CNOT10: variants seen among roughly 807,000 people sequenced by gnomAD.
The protein encoded by CNOT10 is CCR4-NOT transcription complex subunit 10.
In CNOT10, 30 loss-of-function variants were observed where a neutral mutation model predicts 94.6. That is an observed-to-expected ratio of 0.32 (90% CI 0.24 to 0.43). The LOEUF (loss-of-function observed/expected upper bound fraction) is 0.43. Ranked by LOEUF, CNOT10 falls within the 20% of genes least tolerant of loss-of-function variation. The pLI is 1.00. For missense variants in CNOT10, 759 were observed against 877.2 expected, an observed-to-expected ratio of 0.87 and a Z score of 1.70; for synonymous variants, 289 against 301.6, an observed-to-expected ratio of 0.96 and a Z score of 0.43.
At chr3:32,708,851 T>A (rs757791245) in intron 4 of CNOT10, 31 bp downstream of exon 4, 1 of 1,579,804 alleles carries the variant, frequency 6.3e-7, no homozygotes, top group Admixed American at 1.9e-5. Flanking sequence ...AAAATTTCCC[T>A]ATCTTCCCTA....
intron 13 of CNOT10, among the ~76,000 whole-genome samples, chr3:32,754,489 A>AAAAATATATATATATATAT (rs77878221): frequency 1.4e-5 from 1 of 70,198 alleles, no homozygotes; most frequent in African/African-American, 7.7e-5. Context: ...AAAAAAAAAA[A>AAAAATATATATATATATAT]ATACATATAT....
At chr3:32,694,608 T>C (rs555120391) in intron 1 of CNOT10, among the ~76,000 whole-genome samples, 76 of 152,236 alleles carry the variant, frequency 5.0e-4, no homozygotes, top group Non-Finnish European at 9.4e-4. Flanking sequence ...TGTTTGTTTT[T>C]TGAGGCAGTC....
chr3:32,739,664 G>T (rs1559503275), intron 13 of CNOT10, among the ~76,000 whole-genome samples: 1 of 152,160 alleles, frequency 6.6e-6, no homozygotes, highest in South Asian at 2.1e-4. Context: ...GCTCATGCCT[G>T]TGATCCCAGC....
intron 13 of CNOT10, among the ~76,000 whole-genome samples, chr3:32,749,994 A>G (rs112307280): frequency 0.02 from 2,975 of 152,196 alleles, 48 homozygotes; most frequent in East Asian, 0.047. Flanking sequence ...AAGTGGGAGG[A>G]TCCCTTGAGT....
chr3:32,769,651 T>C (rs1022023606), intron 17 of CNOT10: 6 of 460,808 alleles, frequency 1.3e-5, no homozygotes, highest in Non-Finnish European at 2.0e-5. Context: ...TTGACTGTAG[T>C]ATCGGGGTGT....
intron 1 of CNOT10, among the ~76,000 whole-genome samples, chr3:32,693,695 C>A (rs1033611001): frequency 6.6e-6 from 1 of 151,992 alleles, no homozygotes; most frequent in Non-Finnish European, 1.5e-5. Flanking sequence ...GCATGCGCCA[C>A]CACGCCTGGC....
chr3:32,718,968 A>G (rs1698249999), intron 7 of CNOT10, among the ~76,000 whole-genome samples: 1 of 151,948 alleles, frequency 6.6e-6, no homozygotes, highest in Non-Finnish European at 1.5e-5. Context: ...TAAAAAAATT[A>G]GGTCGGGCAT....
Position 32,733,431 on chromosome 3 carries a change from A to C in CNOT10, c.1224A>C (p.Glu408Asp), listed in dbSNP as rs766574449. Reference sequence around the variant, plus strand: ...TTATTTGTATTTTGTAGACTTCTGAACAAGAAACTAAAGGCCTTCCCAGCA... The same window carrying C: ...TTATTTGTATTTTGTAGACTTCTGACCAAGAAACTAAAGGCCTTCCCAGCA... ...CCIAANKGTS[E>D]QETKGLPSKK... Residue 408 changes from glutamate to aspartate, a missense_variant, in exon 11 of 19, where the codon GAA (glutamate) becomes GAC (aspartate). Glu to Asp is a conservative substitution (Grantham distance 45, BLOSUM62 2). Around this residue, in one of 3 missense-constraint regions of CNOT10, gnomAD observed 682 missense variants for 799.4 expected, o/e 0.85. Transcript: ENST00000328834. The C allele has an allele frequency of 6.3e-7, 1 of 1,585,800 alleles. No homozygotes were observed. The highest frequency in any genetic ancestry group is 8.6e-7 in the Non-Finnish European group (1 of 1,162,968).
At chr3:32,753,091 T>C in intron 13 of CNOT10, 1 of 532,738 alleles carries the variant, frequency 1.9e-6, no homozygotes, top group Non-Finnish European at 3.6e-6. Flanking sequence ...GTAATTACTG[T>C]GTTGCTGTTG....
chr3:32,762,873 G>A lies in CNOT10; in HGVS notation c.1840+10G>A, dbSNP rs779787509. 1 of 1,527,694 alleles carries A rather than the reference G, an allele frequency of 6.5e-7. No homozygotes were observed. Among genetic ancestry groups the A allele is most frequent in the South Asian group, 1.3e-5 (1 of 75,352 alleles). 94.6% of individuals were successfully genotyped at this position (1,527,694 alleles called of 1,614,324 possible). On this transcript the variant is annotated intron_variant, in intron 15 of 18. Transcript: ENST00000328834. ...AATGAGCAGGACCAAGGTTAATGAG[G>A]ACATCTTTGATCAGAACTGGTCACT...
intron 13 of CNOT10, among the ~76,000 whole-genome samples, chr3:32,756,230 C>T (rs1484083886): frequency 6.6e-6 from 1 of 152,146 alleles, no homozygotes; most frequent in Non-Finnish European, 1.5e-5. Flanking sequence ...CTTGCTTAAT[C>T]CTGATGGCTC....
chr3:32,740,224 G>A (rs753494439), intron 13 of CNOT10, among the ~76,000 whole-genome samples: 1 of 152,136 alleles, frequency 6.6e-6, no homozygotes, highest in Non-Finnish European at 1.5e-5. Context: ...CCTTTGGGAG[G>A]CCGAGGTGGG....
intron 14 of CNOT10, among the ~76,000 whole-genome samples, chr3:32,761,542 A>G (rs1261605653): frequency 1.3e-5 from 2 of 150,984 alleles, no homozygotes; most frequent in Non-Finnish European, 3.0e-5. Context: ...ACAGGAGCCC[A>G]CCACCACACC....
At chr3:32,703,010 C>T (rs1206871646) in intron 1 of CNOT10, among the ~76,000 whole-genome samples, 1 of 150,790 alleles carries the variant, frequency 6.6e-6, no homozygotes, top group Non-Finnish European at 1.5e-5. Context: ...CTCCCAGGTT[C>T]ACGCCATTCT....
intron 14 of CNOT10, among the ~76,000 whole-genome samples, chr3:32,760,207 G>A (rs1201547242): frequency 2.0e-5 from 3 of 151,620 alleles, no homozygotes; most frequent in Non-Finnish European, 4.4e-5. Context: ...ACAAGAATTT[G>A]AAAAATCTTT....
chr3:32,726,202 C>A (rs1698658048), intron 9 of CNOT10, among the ~76,000 whole-genome samples: 1 of 152,166 alleles, frequency 6.6e-6, no homozygotes, highest in Non-Finnish European at 1.5e-5. Context: ...CCTCAGTCTT[C>A]CAAGGTGCTG....
chr3:32,745,830 CTG>C (rs113885273), intron 13 of CNOT10, among the ~76,000 whole-genome samples: 5,593 of 152,254 alleles, frequency 0.037, 164 homozygotes, highest in Middle Eastern at 0.078. Context: ...GAAACCCTGT[CTG>C]TACAAAAAAT....
chr3:32,711,964 A>G (rs1459179856), intron 4 of CNOT10, among the ~76,000 whole-genome samples: 1 of 152,116 alleles, frequency 6.6e-6, no homozygotes, highest in Non-Finnish European at 1.5e-5. Flanking sequence ...AGGCTTTTGA[A>G]ATTTTCTCTT....
chr3:32,728,740 G>A (rs1698797419), intron 10 of CNOT10, among the ~76,000 whole-genome samples: 1 of 152,188 alleles, frequency 6.6e-6, no homozygotes, highest in Non-Finnish European at 1.5e-5. Context: ...TGGTCTGCTA[G>A]CTGCTCCAGG....
Sources: gnomAD v4.1 joint callset for allele counts (sites outside exome capture counted in the v4.1 genomes callset) on GRCh38, gnomAD v4.1.1 for gene constraint, gnomAD v4.1.1 regional missense constraint, MANE v1.5 for transcripts, NCBI Gene and HGNC (gene_info 2026-07-23, HGNC 2026-07-21) for gene names.